Variants in TASP1 observed in about 807,000 individuals in gnomAD.
The protein encoded by TASP1 is threonine aspartase 1.
Under a neutral mutation model 56.6 loss-of-function variants are expected in TASP1, and 16 were observed. That is an observed-to-expected ratio of 0.28 (90% CI 0.19 to 0.43). The LOEUF is 0.43. TASP1 is among the 20% of genes least tolerant of loss of function. The pLI is 1.00. For missense variants in TASP1, 393 were observed against 511.6 expected (o/e 0.77, Z 2.24); for synonymous variants, 179 against 184.2 (o/e 0.97, Z 0.23).
the TASP1 span, among the ~76,000 whole-genome samples, chr20:13,254,872 A>C: frequency 1.3e-5 from 2 of 152,160 alleles, no homozygotes; most frequent in African/African-American, 4.8e-5. Flanking sequence ...GGGCATTGAA[A>C]TCCTGTTTGT....
the TASP1 span, chr20:13,270,646 C>G: frequency 1.2e-6 from 2 of 1,613,994 alleles, no homozygotes; most frequent in Non-Finnish European, 1.7e-6. Context: ...GGGCACCCTT[C>G]ATTGCAAAGA....
At chr20:13,211,644 A>T in the TASP1 span, among the ~76,000 whole-genome samples, 2 of 151,916 alleles carry the variant, frequency 1.3e-5, no homozygotes, top group Non-Finnish European at 2.9e-5. Context: ...GATATTGTAC[A>T]ATTAGATAAT....
intron 8 of TASP1, among the ~76,000 whole-genome samples, chr20:13,536,241 G>A (rs1048497212): frequency 6.6e-6 from 1 of 152,046 alleles, no homozygotes; most frequent in African/African-American, 2.4e-5. Context: ...CTATGCTGAT[G>A]GTCTAACAGC....
chr20:13,293,851 G>C, the TASP1 span, among the ~76,000 whole-genome samples: 1 of 152,064 alleles, frequency 6.6e-6, no homozygotes, highest in Non-Finnish European at 1.5e-5. Flanking sequence ...GCAGGCGCCT[G>C]TAATCCCAGC....
intron 10 of TASP1, among the ~76,000 whole-genome samples, chr20:13,525,462 C>T (rs1418236811): frequency 1.3e-5 from 2 of 152,138 alleles, no homozygotes; most frequent in Non-Finnish European, 2.9e-5. Context: ...CATTTCTCCT[C>T]ACCCAGTGAT....
chr20:13,231,382 G>A, the TASP1 span, among the ~76,000 whole-genome samples: 2 of 152,166 alleles, frequency 1.3e-5, no homozygotes, highest in East Asian at 1.9e-4. Context: ...CAAAGGTCAC[G>A]CCTAGGCAAA....
At chr20:13,617,306 C>G (rs1305639651) in intron 4 of TASP1, among the ~76,000 whole-genome samples, 2 of 152,004 alleles carry the variant, frequency 1.3e-5, no homozygotes, top group Non-Finnish European at 2.9e-5. Flanking sequence ...AAGGTCAAAA[C>G]TCAAATTTCA....
the TASP1 span, chr20:13,164,570 T>C: frequency 7.8e-5 from 47 of 604,188 alleles, no homozygotes; most frequent in Middle Eastern, 3.7e-4. Flanking sequence ...AATTAGCATC[T>C]AACATTCCTC....
intron 11 of TASP1, among the ~76,000 whole-genome samples, chr20:13,448,151 T>C (rs2043480864): frequency 6.6e-6 from 1 of 152,154 alleles, no homozygotes; most frequent in Non-Finnish European, 1.5e-5. Context: ...AATTTTGGTA[T>C]AAAGACTACA....
intron 10 of TASP1, among the ~76,000 whole-genome samples, chr20:13,485,859 A>T (rs2043303283): frequency 6.6e-6 from 1 of 152,188 alleles, no homozygotes; most frequent in East Asian, 1.9e-4. Context: ...GGCATATTAT[A>T]AACTAAATGA....
At chr20:13,265,593 C>G in the TASP1 span, among the ~76,000 whole-genome samples, 3 of 152,156 alleles carry the variant, frequency 2.0e-5, no homozygotes, top group African/African-American at 7.2e-5. Context: ...TGTGCCTTCC[C>G]CGCCCAAGCT....
the TASP1 span, among the ~76,000 whole-genome samples, chr20:13,164,061 C>A: frequency 2.0e-5 from 3 of 152,112 alleles, no homozygotes; most frequent in African/African-American, 7.2e-5. Context: ...CCACTCCCCC[C>A]ATCCCACAAC....
At chr20:13,466,658 T>C (rs2044270999) in intron 11 of TASP1, among the ~76,000 whole-genome samples, 1 of 152,132 alleles carries the variant, frequency 6.6e-6, no homozygotes, top group African/African-American at 2.4e-5. Context: ...GGAGAACTGC[T>C]TGAACTCTAG....
the TASP1 span, among the ~76,000 whole-genome samples, chr20:13,362,130 G>T: frequency 1.9e-4 from 29 of 150,004 alleles, no homozygotes; most frequent in South Asian, 6.4e-4. Context: ...AAGCAGCCCT[G>T]AGAAACATCG....
intron 11 of TASP1, among the ~76,000 whole-genome samples, chr20:13,477,063 G>T (rs1438126442): frequency 6.6e-6 from 1 of 152,084 alleles, no homozygotes; most frequent in South Asian, 2.1e-4. Context: ...TTCATGAAAT[G>T]ATGATCACAG....
intron 2 of TASP1, among the ~76,000 whole-genome samples, chr20:13,628,637 A>G (rs1342967184): frequency 6.6e-6 from 1 of 152,182 alleles, no homozygotes; most frequent in Non-Finnish European, 1.5e-5. Flanking sequence ...GTCTCACAAG[A>G]AGAAACATTT....
chr20:13,629,136 C>T (rs928844472), intron 2 of TASP1, among the ~76,000 whole-genome samples: 8 of 152,144 alleles, frequency 5.3e-5, no homozygotes, highest in Non-Finnish European at 1.0e-4. Context: ...GAGGCCAAGG[C>T]AGGTGGATCA....
chr20:13,379,250 G>C, the TASP1 span, among the ~76,000 whole-genome samples: 1 of 152,212 alleles, frequency 6.6e-6, no homozygotes, highest in African/African-American at 2.4e-5. Context: ...TGCTTCAGGA[G>C]CTCTTGTAAG....
At chr20:13,377,983 G>C in the TASP1 span, among the ~76,000 whole-genome samples, 3 of 151,592 alleles carry the variant, frequency 2.0e-5, no homozygotes, top group East Asian at 5.8e-4. Flanking sequence ...TATTATTCTG[G>C]CTAGCAGTCT....
Sources: gnomAD v4.1 joint callset for allele counts (sites outside exome capture counted in the v4.1 genomes callset) on GRCh38, gnomAD v4.1.1 for gene constraint, MANE v1.5 for transcripts, NCBI Gene and HGNC (gene_info 2026-07-23, HGNC 2026-07-21) for gene names.